Variants in KDSR observed in about 807,000 individuals in gnomAD.
KDSR encodes the protein 3-dehydrosphinganine reductase.
Under a neutral mutation model 41.3 loss-of-function variants are expected in KDSR, and 23 were observed. The observed-to-expected ratio is 0.56, with a 90% confidence interval of 0.40 to 0.79. The LOEUF is 0.79. KDSR is among the 30% of genes least tolerant of loss of function. The probability of loss-of-function intolerance (pLI) is 0.00; values close to 1 mark genes in which losing one functional copy is unlikely to be tolerated. For missense variants in KDSR, 351 were observed against 416.8 expected, an observed-to-expected ratio of 0.84 and a Z score of 1.37; for synonymous variants, 138 against 151.7, an observed-to-expected ratio of 0.91 and a Z score of 0.66.
At chr18:63,340,898 C>G (rs886459203) in intron 7 of KDSR, among the ~76,000 whole-genome samples, 2 of 152,190 alleles carry the variant, frequency 1.3e-5, no homozygotes, top group Non-Finnish European at 2.9e-5. Flanking sequence ...AGCCCTCCTG[C>G]CCTGCTTGCC....
At chr18:63,333,591 T>A (rs1568274786) in intron 9 of KDSR, among the ~76,000 whole-genome samples, 1 of 152,208 alleles carries the variant, frequency 6.6e-6, no homozygotes, top group Admixed American at 6.5e-5. Flanking sequence ...CCACCTGTGC[T>A]TGCTGATGAC....
At chr18:63,338,423 T>C (rs1161162553) in intron 8 of KDSR, among the ~76,000 whole-genome samples, 4 of 152,230 alleles carry the variant, frequency 2.6e-5, no homozygotes, top group Non-Finnish European at 4.4e-5. Context: ...TCTCGTTAGC[T>C]AACTTTTGGG....
intron 7 of KDSR, among the ~76,000 whole-genome samples, chr18:63,340,242 C>G (rs1914306576): frequency 6.6e-6 from 1 of 152,180 alleles, no homozygotes; most frequent in South Asian, 2.1e-4. Flanking sequence ...AGACTGCATA[C>G]CGAATGTTGC....
chr18:63,335,378 A>G lies in KDSR; in HGVS notation c.778-20T>C. 1.3e-6 allele frequency: 2 copies of G among 1,539,120 alleles called. No homozygotes were observed. The highest frequency in any genetic ancestry group is 2.2e-5 in the East Asian group (1 of 44,538). ...TCCTTGCTAAAAGAGAAGAAAAAGA[A>G]GAGAAAGAGGGAATCCTAGTAATGT... On this transcript the variant is annotated intron_variant, in intron 8 of 9. Transcript: ENST00000645214.
chr18:63,342,855 C>T (rs941664520), intron 7 of KDSR, among the ~76,000 whole-genome samples: 2 of 152,156 alleles, frequency 1.3e-5, no homozygotes, highest in African/African-American at 4.8e-5. Context: ...CAACTACAAT[C>T]CCCAATGTTG....
chr18:63,360,468 C>T (rs1914927427), intron 2 of KDSR, among the ~76,000 whole-genome samples: 2 of 152,154 alleles, frequency 1.3e-5, no homozygotes, highest in Non-Finnish European at 2.9e-5. Flanking sequence ...CGAATTCTTC[C>T]AAAAGGCATG....
chr18:63,330,179 A>T lies in KDSR; in HGVS notation c.*1603T>A, dbSNP rs888404112. 58 of 198,008 alleles carry T rather than the reference A, an allele frequency of 2.9e-4. No homozygotes were observed. The highest frequency in any genetic ancestry group is 1.7e-3 in the Admixed American group (28 of 16,606). The allele number at this position is 198,008 out of a possible 1,614,324, so 12.3% of individuals were successfully genotyped here. A position where few individuals can be genotyped will look rare whatever the true frequency, so the allele number is the denominator to read the frequency against. ...GCTTCAAAAACTCAAGAGCAAAAAA[A>T]AGGTATGCTATAATTTTTAGGTCTT... On this transcript the variant is annotated 3_prime_UTR_variant, in exon 10 of 10. Transcript: ENST00000645214.
chr18:63,362,877 A>G lies in KDSR; in HGVS notation c.109-9T>C, dbSNP rs758229577. On this transcript the variant is annotated splice_polypyrimidine_tract_variant and intron_variant, in intron 1 of 9. Coordinates refer to ENST00000645214, the MANE Select transcript of KDSR (RefSeq NM_002035.4). ...CTGGAACCTCCTGTAACCTAAAACA[A>G]AATCATAAAATATTCTTAGCACTTG... The G allele has an allele frequency of 1.1e-5, 18 of 1,590,788 alleles. No homozygotes were observed. The African/African-American group carries it at 1.9e-4, about 17-fold the overall frequency.
Position 63,330,651 on chromosome 18 carries a change from T to C in KDSR, c.*1131A>G, listed in dbSNP as rs1182112743. On this transcript the variant is annotated 3_prime_UTR_variant, in exon 10 of 10. Coordinates refer to ENST00000645214, the MANE Select transcript of KDSR (RefSeq NM_002035.4). ...TCTTCAAAATCAGCCTTGTCTTTTT[T>C]TCTTAATGAGCAAACTTTATACCAT... 1 of 231,588 alleles carries C rather than the reference T, an allele frequency of 4.3e-6. No individual in the cohort carries two copies. Among genetic ancestry groups the C allele is most frequent in the Non-Finnish European group, 8.5e-6 (1 of 117,148 alleles). 14.3% of individuals were successfully genotyped at this position (231,588 alleles called of 1,614,324 possible). A position where few individuals can be genotyped will look rare whatever the true frequency, so the allele number is the denominator to read the frequency against.
At chr18:63,357,564 A>G (rs1179866720) in intron 3 of KDSR, among the ~76,000 whole-genome samples, 2 of 107,138 alleles carry the variant, frequency 1.9e-5, no homozygotes, top group African/African-American at 6.6e-5. Flanking sequence ...ACATACATAC[A>G]TACATACATA....
Position 63,331,400 on chromosome 18 carries a change from A to T in KDSR, c.*382T>A. 1 of 234,666 alleles carries T rather than the reference A, an allele frequency of 4.3e-6. No homozygotes were observed. The highest frequency in any genetic ancestry group is 8.4e-6 in the Non-Finnish European group (1 of 119,066). 14.5% of individuals were successfully genotyped at this position (234,666 alleles called of 1,614,324 possible). ...GGAAGGTTTAAACAAAGTCCTCAAG[A>T]TTTCTTTATGTGCCAGAAAGTACAT... On this transcript the variant is annotated 3_prime_UTR_variant, in exon 10 of 10. Transcript: ENST00000645214.
At chr18:63,355,639 G>T in intron 3 of KDSR, 76 bp from the exon 4 acceptor site, 1 of 1,450,708 alleles carries the variant, frequency 6.9e-7, no homozygotes. Flanking sequence ...TTAAAGAAAA[G>T]ACAGTTCATT....
In KDSR at chr18:63,357,594, A is replaced by ATATTT. The variant is rs1555715128; in HGVS notation, c.256-2032_256-2031insAAATA. Among the ~76,000 whole-genome samples, 7 of 120,780 alleles carry ATATTT rather than the reference A, an allele frequency of 5.8e-5. No homozygotes were observed. In the South Asian group the frequency reaches 1.6e-3, roughly 28 times the overall value. The allele number at this position is 120,780 out of a possible 152,430, so 79.2% of individuals were successfully genotyped here. On this transcript the variant is annotated intron_variant, in intron 3 of 9. Transcript: ENST00000645214. ...TACATATATATATATATATATATAT[A>ATATTT]TTTTTTTTTGAGATGGAGTCTCCCT...
At chr18:63,354,209 C>G (rs1418078135) in intron 5 of KDSR, among the ~76,000 whole-genome samples, 2 of 152,088 alleles carry the variant, frequency 1.3e-5, no homozygotes, top group Non-Finnish European at 2.9e-5. Flanking sequence ...TTCATCCTCA[C>G]AGGAGGCTGG....
chr18:63,336,268 A>G (rs2849370), intron 8 of KDSR, among the ~76,000 whole-genome samples: 95,731 of 151,998 alleles, frequency 0.63, 31,492 homozygotes, highest in Admixed American at 0.73. Context: ...GAGCTCAAGC[A>G]ATCCAGCCGC....
chr18:63,358,422 T>C (rs927858934), intron 3 of KDSR, among the ~76,000 whole-genome samples: 2 of 152,106 alleles, frequency 1.3e-5, no homozygotes, highest in Non-Finnish European at 2.9e-5. Flanking sequence ...TTAAAAATCA[T>C]TGAATTATAT....
chr18:63,364,658 G>A (rs1369585793), intron 1 of KDSR, among the ~76,000 whole-genome samples: 2 of 152,028 alleles, frequency 1.3e-5, no homozygotes, highest in Non-Finnish European at 2.9e-5. Flanking sequence ...TGGCCAGGCT[G>A]GTCTCGAACT....
intron 6 of KDSR, chr18:63,344,939 CTT>C (rs1914453422): frequency 6.4e-6 from 1 of 155,464 alleles, no homozygotes; most frequent in Non-Finnish European, 1.4e-5. Flanking sequence ...TTCTGATACT[CTT>C]GTGTTGATTT....
intron 7 of KDSR, 36 bp from the exon 8 acceptor site, chr18:63,338,919 G>T: frequency 8.5e-7 from 1 of 1,172,912 alleles, no homozygotes; most frequent in Non-Finnish European, 1.2e-6. Flanking sequence ...ACAATATCAT[G>T]ATTGCCCATT....
Sources: gnomAD v4.1 joint callset for allele counts (sites outside exome capture counted in the v4.1 genomes callset) on GRCh38, gnomAD v4.1.1 for gene constraint, MANE v1.5 for transcripts, NCBI Gene and HGNC (gene_info 2026-07-23, HGNC 2026-07-21) for gene names.